SPC24: variants seen among roughly 807,000 people sequenced by gnomAD.
SPC24 encodes the protein kinetochore protein Spc24.
In SPC24, 31 loss-of-function variants were observed where a neutral mutation model predicts 27.6. The observed-to-expected ratio is 1.12, with a 90% CI of 0.84 to 1.52. The LOEUF is 1.52. Among genes scored for constraint, SPC24 ranks in the 40% most tolerant of loss-of-function variants. The pLI is 0.00. For missense variants in SPC24, 284 were observed against 252.5 expected (o/e 1.12, Z -0.84); for synonymous variants, 105 against 105.8 (o/e 0.99, Z 0.05).
chr19:11,153,943 G>A (rs985525964), intron 1 of SPC24, among the ~76,000 whole-genome samples: 7 of 150,742 alleles, frequency 4.6e-5, no homozygotes, highest in African/African-American at 1.5e-4. Context: ...GCGTGGTGGC[G>A]GGCACCTGTA....
chr19:11,152,362 A>C (rs1183128387), intron 1 of SPC24, among the ~76,000 whole-genome samples: 1 of 152,152 alleles, frequency 6.6e-6, no homozygotes, highest in Non-Finnish European at 1.5e-5. Flanking sequence ...GGCATGCGCC[A>C]CAACGGCCAG....
At position 11,155,606 on chromosome 19, in the gene SPC24, C is replaced by G; in HGVS notation, c.160+11G>C. The stretch of plus-strand genomic sequence containing the variant: ...TCCCCCGTGGGCCCGCGACCACGCT[C>G]CGACCCTCACCTCGCAGCTGCTTCT... On this transcript the variant is annotated intron_variant, in intron 1 of 4. Transcript: ENST00000592540. 1 of 1,538,768 alleles carries G rather than the reference C, an allele frequency of 6.5e-7. No individual in the cohort carries two copies. The highest frequency in any genetic ancestry group is 1.4e-5 in the African/African-American group (1 of 72,732).
intron 1 of SPC24, among the ~76,000 whole-genome samples, chr19:11,152,164 G>A (rs1457062574): frequency 6.6e-6 from 1 of 150,850 alleles, no homozygotes; most frequent in Non-Finnish European, 1.5e-5. Context: ...CAGGTGATCT[G>A]CTTGCCTCAG....
chr19:11,147,471 A>G, intron 4 of SPC24, 182 bp from the exon 5 acceptor site: 1 of 572,516 alleles, frequency 1.7e-6, no homozygotes, highest in Non-Finnish European at 3.1e-6. Flanking sequence ...AGTGATTCTC[A>G]TGCCTCAGCC....
At position 11,145,500 on chromosome 19, in the gene SPC24, C is replaced by T. The variant is rs4804146; in HGVS notation, c.*1683G>A. On this transcript the variant is annotated 3_prime_UTR_variant, in exon 5 of 5. Transcript: ENST00000592540. ...GATTGGCCGGCCCTGGACTGGAGTACATGTTCAGTTAGGGTTTATTTTGGT... is the reference window on the plus strand; with the variant it reads ...GATTGGCCGGCCCTGGACTGGAGTATATGTTCAGTTAGGGTTTATTTTGGT... 121,441 of 152,118 alleles carry T rather than the reference C, an allele frequency of 0.8. 48,918 individuals are homozygous for T. The highest frequency in any genetic ancestry group is 0.88 in the Admixed American group (13,348 of 15,238). The allele number at this position is 152,118 out of a possible 1,614,324, so 9.4% of individuals were successfully genotyped here. A position where few individuals can be genotyped will look rare whatever the true frequency, so the allele number is the denominator to read the frequency against.
At chr19:11,149,999 T>A (rs1600788783) in intron 1 of SPC24, among the ~76,000 whole-genome samples, 1 of 151,158 alleles carries the variant, frequency 6.6e-6, no homozygotes, top group East Asian at 2.0e-4. Context: ...CGTGAGCCAC[T>A]GCGCACGGCA....
rs1397384636 is a variant in SPC24 at position 11,147,262 on chromosome 19, G to A, written c.515C>T (p.Pro172Leu). ...GAGCTGGGTGCTGTCCAGGTGGATG[G>A]GCTGGGCCACACTGGGGCCATGATG... ...GIHHGPSVAQPIHLDSTQLSR... is the reference protein window; with the variant it reads ...GIHHGPSVAQLIHLDSTQLSR... Residue 172 changes from proline (P) to leucine (L), a missense_variant, in exon 5 of 5, where the codon CCC becomes CTC. Physicochemically the swap from Pro to Leu is moderately conservative, Grantham distance 98. Coordinates refer to ENST00000592540, the MANE Select transcript of SPC24 (RefSeq NM_182513.4). 6.4e-7 allele frequency: 1 copy of A among 1,567,824 alleles called. No homozygotes were observed. The highest frequency in any genetic ancestry group is 1.4e-5 in the African/African-American group (1 of 73,970).
rs2077849344 is a variant in SPC24, at chr19:11,148,851, C to T, written c.305+243G>A. On this transcript the variant is annotated intron_variant, in intron 2 of 4. Coordinates refer to ENST00000592540, the MANE Select transcript of SPC24 (RefSeq NM_182513.4). ...CAGGATGGTCTCGATCTCCTGACCT[C>T]GTGATCCACCTGCCTCGGCCTCCCA... 4.0e-5 allele frequency among the ~76,000 whole-genome samples: 6 copies of T among 150,024 alleles called. No homozygotes were observed. In the South Asian group the frequency reaches 8.5e-4, roughly 21 times the overall value.
intron 1 of SPC24, among the ~76,000 whole-genome samples, chr19:11,152,618 T>C (rs2077880877): frequency 6.6e-6 from 1 of 152,170 alleles, no homozygotes; most frequent in Admixed American, 6.6e-5. Context: ...ACCTAGGATG[T>C]GAACTGGATC....
chr19:11,150,551 C>T (rs1389031092), intron 1 of SPC24, among the ~76,000 whole-genome samples: 1 of 151,726 alleles, frequency 6.6e-6, no homozygotes, highest in Non-Finnish European at 1.5e-5. Context: ...AATCCCAGCA[C>T]TTTGAGAGGC....
intron 1 of SPC24, among the ~76,000 whole-genome samples, chr19:11,154,182 T>C (rs951483061): frequency 6.6e-6 from 1 of 152,134 alleles, no homozygotes; most frequent in Non-Finnish European, 1.5e-5. Context: ...CATGGATGGA[T>C]GAATGAATAA....
At chr19:11,147,618 T>C (rs1340104372) in intron 4 of SPC24, 200 bp downstream of exon 4, 9 of 597,588 alleles carry the variant, frequency 1.5e-5, no homozygotes, top group East Asian at 2.8e-5. Context: ...ATATTTATTA[T>C]AGACGTGGGG....
At chr19:11,147,397 G>T in intron 4 of SPC24, 108 bp from the exon 5 acceptor site, 1 of 730,658 alleles carries the variant, frequency 1.4e-6, no homozygotes. Context: ...GTTTCATTCT[G>T]TAGGCCAGGC....
In SPC24 at chr19:11,155,752, C is replaced by G; in HGVS notation, c.25G>C (p.Glu9Gln). Reference sequence around the variant, plus strand: ...AGGCTGAGCAGCCCCTGGCTCACCTCCTCTATGTCGCGGAAGGCGGCCATG... The same window carrying G: ...AGGCTGAGCAGCCCCTGGCTCACCTGCTCTATGTCGCGGAAGGCGGCCATG... MAAFRDIE[E>Q]VSQGLLSLLG... Residue 9 changes from glutamate to glutamine, a missense_variant, in exon 1 of 5, where the codon GAG (glutamate) becomes CAG (glutamine). Glu to Gln is a conservative substitution (Grantham distance 29). Transcript: ENST00000592540. 6.4e-7 allele frequency: 1 copy of G among 1,553,918 alleles called. No homozygotes were observed. Among genetic ancestry groups the G allele is most frequent in the East Asian group, 2.4e-5 (1 of 42,328 alleles).
intron 2 of SPC24, 89 bp from the exon 3 acceptor site, chr19:11,148,206 T>A (rs1367695659): frequency 6.3e-6 from 5 of 795,852 alleles, no homozygotes; most frequent in Non-Finnish European, 1.0e-5. Flanking sequence ...TTGGCTCTAT[T>A]TACGCACACT....
chr19:11,146,357 A>G lies in SPC24; in HGVS notation c.*826T>C, dbSNP rs1172588424. ...ACGGTGTCATTTGTCCCATCCCGTC[A>G]CAGATGTGAAACTGCAGGCCTGGCA... On this transcript the variant is annotated 3_prime_UTR_variant, in exon 5 of 5. Coordinates refer to ENST00000592540, the MANE Select transcript of SPC24 (RefSeq NM_182513.4). The G allele has an allele frequency of 6.6e-6, 1 of 151,006 alleles. No individual in the cohort carries two copies. Among genetic ancestry groups the G allele is most frequent in the African/African-American group, 2.4e-5 (1 of 41,024 alleles). The allele number at this position is 151,006 out of a possible 1,614,324, so 9.4% of individuals were successfully genotyped here. A position where few individuals can be genotyped will look rare whatever the true frequency, so the allele number is the denominator to read the frequency against.
intron 1 of SPC24, among the ~76,000 whole-genome samples, chr19:11,153,618 G>A (rs2077889599): frequency 6.6e-6 from 1 of 151,548 alleles, no homozygotes; most frequent in Non-Finnish European, 1.5e-5. Context: ...AAATTAGCTG[G>A]GCATGTTGGC....
At chr19:11,149,413 A>G (rs1027196992) in intron 1 of SPC24, 175 bp from the exon 2 acceptor site, 2 of 467,626 alleles carry the variant, frequency 4.3e-6, no homozygotes, top group Non-Finnish European at 7.3e-6. Flanking sequence ...ACACATTTAA[A>G]TACACTAAAA....
intron 1 of SPC24, 189 bp from the exon 2 acceptor site, chr19:11,149,427 A>C: frequency 9.1e-6 from 4 of 438,022 alleles, no homozygotes; most frequent in Non-Finnish European, 1.6e-5. Flanking sequence ...ACTAAAAATA[A>C]AGCCTCGTCC....
Sources: allele counts gnomAD v4.1 joint callset (sites outside exome capture counted in the v4.1 genomes callset), GRCh38; gene constraint gnomAD v4.1.1; transcripts MANE v1.5; gene names NCBI Gene and HGNC (gene_info 2026-07-23, HGNC 2026-07-21).